The following MYO16 variants were observed in gnomAD, a reference collection of about 807,000 sequenced individuals.
MYO16 encodes the protein unconventional myosin-XVI.
Under a neutral mutation model 205.3 loss-of-function variants are expected in MYO16, and 94 were observed. The observed-to-expected ratio is 0.46, with a 90% confidence interval of 0.39 to 0.54. MYO16 has a LOEUF of 0.54. Among genes scored for constraint, MYO16 ranks in the 20% least tolerant of loss-of-function variants. MYO16 has a pLI of 0.00. For missense variants in MYO16, 2,315 were observed against 2,387.5 expected (o/e 0.97, Z 0.63); for synonymous variants, 988 against 954.0 (o/e 1.04, Z -0.66).
chr13:108,499,646 C>T, the MYO16 span, among the ~76,000 whole-genome samples: 400 of 152,192 alleles, frequency 2.6e-3, no homozygotes, highest in Middle Eastern at 0.024. Flanking sequence ...GCCATTAATT[C>T]CAAGGAAGTT....
At chr13:108,652,604 T>C (rs1207714907) in intron 1 of MYO16, among the ~76,000 whole-genome samples, 3 of 152,228 alleles carry the variant, frequency 2.0e-5, no homozygotes, top group Non-Finnish European at 4.4e-5. Flanking sequence ...TACTTTCTGC[T>C]TCTGAGTTTG....
chr13:108,835,550 G>C (rs60022258), intron 9 of MYO16, among the ~76,000 whole-genome samples: 43 of 152,262 alleles, frequency 2.8e-4, no homozygotes, highest in Non-Finnish European at 5.6e-4. Flanking sequence ...CTTTGTAACC[G>C]GGTAACAGGC....
intron 12 of MYO16, among the ~76,000 whole-genome samples, chr13:108,878,472 G>A (rs549084162): frequency 2.0e-5 from 3 of 152,212 alleles, no homozygotes; most frequent in African/African-American, 7.2e-5. Flanking sequence ...CCATCCCACT[G>A]AGAGCCACCT....
intron 4 of MYO16, among the ~76,000 whole-genome samples, chr13:108,754,833 G>A (rs930857564): frequency 6.6e-6 from 1 of 152,000 alleles, no homozygotes; most frequent in Non-Finnish European, 1.5e-5. Context: ...CAGTGTACAT[G>A]GTATTAGTTT....
intron 1 of MYO16, among the ~76,000 whole-genome samples, chr13:108,611,334 A>G (rs1214453658): frequency 6.6e-6 from 1 of 152,186 alleles, no homozygotes; most frequent in Non-Finnish European, 1.5e-5. Flanking sequence ...AATCATTTTA[A>G]AAAGTTCTAA....
intron 4 of MYO16, among the ~76,000 whole-genome samples, chr13:108,770,705 ATT>A (rs1247554556): frequency 3.3e-5 from 5 of 152,246 alleles, no homozygotes; most frequent in African/African-American, 1.2e-4. Context: ...CCCAAAGGAT[ATT>A]CTCTCACAGA....
In MYO16 at chr13:109,030,728, C is replaced by T. The variant is rs150292461; in HGVS notation, c.2796+10817C>T. ...GGGCTGCATATTGACTTTTTAATAT[C>T]TCTATTAGTATAGCATCTTAAATTC... On this transcript the variant is annotated intron_variant, in intron 23 of 34. Transcript: ENST00000457511. 1.9e-3 allele frequency among the ~76,000 whole-genome samples: 287 copies of T among 152,244 alleles called. 1 individual carries two copies. Among genetic ancestry groups the T allele is most frequent in the African/African-American group, 6.7e-3 (277 of 41,550 alleles).
intron 7 of MYO16, among the ~76,000 whole-genome samples, chr13:108,813,004 A>T (rs1035518337): frequency 7.9e-5 from 12 of 152,176 alleles, no homozygotes; most frequent in Non-Finnish European, 1.6e-4. Context: ...CAGATATTCC[A>T]TTATAGCTAC....
chr13:109,150,787 G>A (rs1210102657), intron 32 of MYO16, among the ~76,000 whole-genome samples: 1 of 152,168 alleles, frequency 6.6e-6, no homozygotes, highest in African/African-American at 2.4e-5. Context: ...AAAGCAAGCA[G>A]CTATTGTATA....
At chr13:108,989,061 A>G (rs1884734190) in intron 20 of MYO16, among the ~76,000 whole-genome samples, 1 of 152,198 alleles carries the variant, frequency 6.6e-6, no homozygotes, top group African/African-American at 2.4e-5. Context: ...GCCCAAATAT[A>G]TTTTTTAAAT....
chr13:108,927,235 G>A (rs1442917299), intron 16 of MYO16, among the ~76,000 whole-genome samples: 2 of 152,006 alleles, frequency 1.3e-5, no homozygotes, highest in Non-Finnish European at 2.9e-5. Flanking sequence ...GTGAGATGGT[G>A]GTAAATAATG....
intron 28 of MYO16, among the ~76,000 whole-genome samples, chr13:109,107,894 C>T (rs925835131): frequency 6.7e-6 from 1 of 149,638 alleles, no homozygotes; most frequent in African/African-American, 2.4e-5. Flanking sequence ...GTGCCAAACA[C>T]ATGCATACAC....
At chr13:108,962,860 CATTT>C (rs745968536) in intron 19 of MYO16, among the ~76,000 whole-genome samples, 10 of 152,328 alleles carry the variant, frequency 6.6e-5, no homozygotes, top group Non-Finnish European at 1.0e-4. Context: ...GAACAGCTGT[CATTT>C]ATTGGACATA....
intron 4 of MYO16, chr13:108,779,781 C>G (rs1212749317): frequency 6.6e-6 from 1 of 152,216 alleles, no homozygotes; most frequent in East Asian, 1.9e-4. Context: ...CAAGAAGCCC[C>G]TTCTTCCTGC....
At chr13:108,711,952 T>G (rs1883739370) in intron 2 of MYO16, among the ~76,000 whole-genome samples, 1 of 152,204 alleles carries the variant, frequency 6.6e-6, no homozygotes, top group Non-Finnish European at 1.5e-5. Flanking sequence ...GAAGAACCTT[T>G]CTATGGGGCT....
intron 6 of MYO16, among the ~76,000 whole-genome samples, chr13:108,803,980 G>C (rs532708309): frequency 1.3e-5 from 2 of 152,174 alleles, no homozygotes; most frequent in Admixed American, 1.3e-4. Context: ...TGTATTAGGA[G>C]CCTCAGTATG....
chr13:109,018,841 G>A (rs541511443), intron 22 of MYO16, among the ~76,000 whole-genome samples: 106 of 152,228 alleles, frequency 7.0e-4, no homozygotes, highest in Non-Finnish European at 1.2e-3. Context: ...TGTCCAACCA[G>A]TTCCAGTGAG....
At chr13:108,763,787 T>TTGTGTGTGTGTGTGTGTG (rs56115831) in intron 4 of MYO16, among the ~76,000 whole-genome samples, 32 of 142,632 alleles carry the variant, frequency 2.2e-4, no homozygotes, top group African/African-American at 7.6e-4. Context: ...AGAAAAGGAG[T>TTGTGTGTGTGTGTGTGTG]TGTGTGTGTG....
At chr13:108,990,688 T>C (rs1884799031) in intron 20 of MYO16, among the ~76,000 whole-genome samples, 1 of 152,190 alleles carries the variant, frequency 6.6e-6, no homozygotes, top group African/African-American at 2.4e-5. Flanking sequence ...TTTCTCTCAC[T>C]GTATTATATT....
Sources: gnomAD v4.1 joint callset for allele counts (sites outside exome capture counted in the v4.1 genomes callset) on GRCh38, gnomAD v4.1.1 for gene constraint, MANE v1.5 for transcripts, NCBI Gene and HGNC (gene_info 2026-07-23, HGNC 2026-07-21) for gene names.